RUNDC1: variants seen among roughly 807,000 people sequenced by gnomAD.
RUNDC1 encodes the protein RUN domain-containing protein 1.
RUNDC1 carries 31 observed loss-of-function variants against 49.3 expected under a neutral mutation model. That is an observed-to-expected ratio of 0.63 (90% CI 0.47 to 0.85). The LOEUF (loss-of-function observed/expected upper bound fraction) is 0.85, where lower values mean the gene tolerates loss of function less well. RUNDC1 is among the 40% of genes least tolerant of loss of function. The probability of loss-of-function intolerance (pLI) is 0.00; values close to 1 mark genes in which losing one functional copy is unlikely to be tolerated. For synonymous variants in RUNDC1, 347 were observed against 348.6 expected (o/e 1.00, Z 0.05); for missense variants, 715 against 806.7 (o/e 0.89, Z 1.38).
chr17:42,984,632 T>G (rs183815936), intron 1 of RUNDC1, among the ~76,000 whole-genome samples: 1 of 152,202 alleles, frequency 6.6e-6, no homozygotes, highest in African/African-American at 2.4e-5. Flanking sequence ...TTGTTCTCTC[T>G]TGTTTGCCCA....
chr17:42,984,889 C>CTTTTTTTTTTTTTTTTTTTT (rs56228523), intron 1 of RUNDC1, among the ~76,000 whole-genome samples: 4 of 65,316 alleles, frequency 6.1e-5, no homozygotes, highest in Non-Finnish European at 8.3e-5. Flanking sequence ...TTCTTTCTTT[C>CTTTTTTTTTTTTTTTTTTTT]TTTTTTTTTT....
chr17:42,981,485 G>A (rs946675505), intron 1 of RUNDC1: 6 of 180,906 alleles, frequency 3.3e-5, no homozygotes, highest in South Asian at 3.4e-4. Flanking sequence ...GGAAAGGAAA[G>A]TGAGTTGGAA....
rs768916891 is a variant in RUNDC1 at position 42,991,685 on chromosome 17, G to A, written c.1811G>A (p.Arg604His). The part of the protein sequence containing the change: ...KFSLPVDLAV[R>H]QLKNIKDAF ...AGCCTCCCTGTAGATCTGGCTGTGC[G>A]CCAGCTCAAAAACATCAAAGATGCC... The change falls in exon 5 of 5, where the codon CGC becomes CAC. Residue 604 changes from arginine (R) to histidine (H), a missense_variant. This residue lies in a region of RUNDC1 where 425 missense variants were observed against 499.7 expected (regional missense o/e 0.85). Transcript: ENST00000361677. The A allele has an allele frequency of 1.3e-5, 21 of 1,613,082 alleles. No homozygotes were observed. The highest frequency in any genetic ancestry group is 4.0e-5 in the African/African-American group (3 of 74,892).
chr17:42,983,375 CTTT>C (rs1179147349), intron 1 of RUNDC1, among the ~76,000 whole-genome samples: 2 of 129,542 alleles, frequency 1.5e-5, no homozygotes, highest in Non-Finnish European at 1.6e-5. Context: ...TTTCTTTTTC[CTTT>C]TTTTTTTTTT....
chr17:42,984,368 C>T (rs1471700116), intron 1 of RUNDC1, among the ~76,000 whole-genome samples: 3 of 151,578 alleles, frequency 2.0e-5, no homozygotes, highest in Non-Finnish European at 4.4e-5. Flanking sequence ...GCAACCTCCA[C>T]CTCCTAGGTT....
At chr17:42,989,778 G>T (rs1229684244) in intron 3 of RUNDC1, among the ~76,000 whole-genome samples, 1 of 151,980 alleles carries the variant, frequency 6.6e-6, no homozygotes, top group African/African-American at 2.4e-5. Context: ...CGGATTACAG[G>T]CTCCCACCAC....
rs2050241076 is a variant in RUNDC1 at position 42,991,446 on chromosome 17, G to A, written c.1572G>A (p.Leu524=). ...TACTGACAGCCATCCACATGGTGCT[G>A]ACAGAGCATGACCCTTTTAAGCGCA... The part of the protein sequence containing the change: ...QSLLTAIHMV[L]TEHDPFKRSA... The change falls in exon 5 of 5, where the codon CTG becomes CTA. Residue 524 remains leucine (L), a synonymous_variant. Coordinates refer to ENST00000361677, the MANE Select transcript of RUNDC1 (RefSeq NM_173079.5). The A allele has an allele frequency of 6.2e-7, 1 of 1,614,102 alleles. No homozygotes were observed. Among genetic ancestry groups the A allele is most frequent in the Non-Finnish European group, 8.5e-7 (1 of 1,180,050 alleles).
At position 42,994,377 on chromosome 17, in the gene RUNDC1, C is replaced by A. The variant is rs1327940108; in HGVS notation, c.*2661C>A. Among the ~76,000 whole-genome samples the A allele has an allele frequency of 6.6e-6, 1 of 152,208 alleles. No homozygotes were observed. The highest frequency in any genetic ancestry group is 2.4e-5 in the African/African-American group (1 of 41,456). On this transcript the variant is annotated 3_prime_UTR_variant, in exon 5 of 5. Transcript: ENST00000361677. ...ACAAAGTGGGACAGTATTATCCCCA[C>A]TTTACAGCTGAGGAAACTGAACTGC...
At chr17:42,990,701 GA>G in intron 4 of RUNDC1, 149 bp from the exon 5 acceptor site, 3 of 927,288 alleles carry the variant, frequency 3.2e-6, no homozygotes, top group Non-Finnish European at 4.8e-6. Context: ...TTATTAACCA[GA>G]AAAAGGAAGT....
At position 42,981,222 on chromosome 17, in the gene RUNDC1, C is replaced by T. The variant is rs577266061; in HGVS notation, c.498+148C>T. ...TGTCGGAGACCAGGGGACTGGAGTGCGGGGCCGGCTGAAGGGCAAGAGGAC... is the reference window on the plus strand; with the variant it reads ...TGTCGGAGACCAGGGGACTGGAGTGTGGGGCCGGCTGAAGGGCAAGAGGAC... On this transcript the variant is annotated intron_variant, in intron 1 of 4. Coordinates refer to ENST00000361677, the MANE Select transcript of RUNDC1 (RefSeq NM_173079.5). The T allele has an allele frequency of 8.2e-6, 9 of 1,096,616 alleles. No homozygotes were observed. The South Asian group carries it at 8.4e-5, about 10-fold the overall frequency. The allele number at this position is 1,096,616 out of a possible 1,614,324, so 67.9% of individuals were successfully genotyped here. A position where few individuals can be genotyped will look rare whatever the true frequency, so the allele number is the denominator to read the frequency against.
Position 42,983,531 on chromosome 17 carries a change from A to G in RUNDC1, c.498+2457A>G, listed in dbSNP as rs2050131141. Among the ~76,000 whole-genome samples the G allele has an allele frequency of 1.3e-5, 2 of 151,638 alleles. 1 individual carries two copies. The highest frequency in any genetic ancestry group is 4.2e-4 in the South Asian group (2 of 4,814). On this transcript the variant is annotated intron_variant, in intron 1 of 4. Transcript: ENST00000361677. ...ACTGGGACCACAGGCGAGCATCACC[A>G]TGCTCAGCTAGTTTTTGTATTTGTA...
intron 3 of RUNDC1, among the ~76,000 whole-genome samples, 171 bp from the exon 4 acceptor site, chr17:42,990,146 C>G (rs1484591919): frequency 6.6e-6 from 1 of 152,216 alleles, no homozygotes; most frequent in Non-Finnish European, 1.5e-5. Context: ...ATTCACTTAG[C>G]AAATATTTAT....
intron 2 of RUNDC1, among the ~76,000 whole-genome samples, chr17:42,988,348 G>A (rs894491395): frequency 2.6e-5 from 4 of 151,778 alleles, no homozygotes; most frequent in African/African-American, 9.7e-5. Flanking sequence ...CGCCTCCAGG[G>A]TTCAAGCAAT....
intron 1 of RUNDC1, chr17:42,985,602 CT>C (rs71157692): frequency 6.4e-3 from 1,081 of 170,144 alleles, no homozygotes; most frequent in Non-Finnish European, 0.01. Context: ...TTGTTGTTTT[CT>C]TTTTTTTTTT....
rs1372256970 is a variant in RUNDC1, at chr17:42,981,030, G to T, written c.454G>T (p.Asp152Tyr). 6.4e-7 allele frequency: 1 copy of T among 1,555,246 alleles called. No individual in the cohort carries two copies. ...GPGDPASDEG[D>Y]GLPGDRPWLR... is the part of the protein sequence containing the mutation. ...CGGCGACCCCGCCAGCGATGAGGGC[G>T]ATGGGCTGCCAGGGGACCGGCCATG... is the stretch of plus-strand genomic sequence containing the variant. The change falls in exon 1 of 5, where the codon GAT becomes TAT. Residue 152 changes from aspartate to tyrosine, a missense_variant. By Grantham distance (160) the Asp-to-Tyr change is radical. Coordinates refer to ENST00000361677, the MANE Select transcript of RUNDC1 (RefSeq NM_173079.5).
Position 42,991,204 on chromosome 17 carries a change from GCCT to G in RUNDC1, c.1336_1338del (p.Ser446del). 6.2e-7 allele frequency: 1 copy of G among 1,614,220 alleles called. No homozygotes were observed. Among genetic ancestry groups the G allele is most frequent in the Non-Finnish European group, 8.5e-7 (1 of 1,180,036 alleles). On this transcript the variant is annotated inframe_deletion, in exon 5 of 5. Transcript: ENST00000361677. Reference sequence around the variant, plus strand: ...GGACCTGCTGGCCCATGGACTGTATGCCTCCTCCCCAGGGATGAGCCTTGTTAT... The same window carrying G: ...GGACCTGCTGGCCCATGGACTGTATGCCTCCCCAGGGATGAGCCTTGTTAT...
intron 1 of RUNDC1, among the ~76,000 whole-genome samples, chr17:42,986,039 G>T (rs996594767): frequency 2.0e-5 from 3 of 151,476 alleles, no homozygotes; most frequent in Middle Eastern, 3.2e-3. Flanking sequence ...TTGCCCTATT[G>T]CCCAGGCTGG....
chr17:42,987,986 A>G (rs1390881626), intron 2 of RUNDC1, among the ~76,000 whole-genome samples: 1 of 152,172 alleles, frequency 6.6e-6, no homozygotes, highest in Non-Finnish European at 1.5e-5. Context: ...TCCCAACCTC[A>G]GGTGATCTGC....
chr17:42,980,937 C>T lies in RUNDC1; in HGVS notation c.361C>T (p.Arg121Cys). ...GCGCGGGGCGCCGGCGGAGCAGCAG[C>T]GCCTTCTGCGGGAGCTCGAAGACTT... ...VVRGAPAEQQ[R>C]LLRELEDFAF... The change falls in exon 1 of 5, where the codon CGC (arginine) becomes TGC (cysteine). Residue 121 changes from arginine (R) to cysteine (C), a missense_variant. Arg to Cys is a radical substitution (Grantham distance 180). This residue lies in a region of RUNDC1 where 113 missense variants were observed against 93.4 expected (regional missense o/e 1.21). Coordinates refer to ENST00000361677, the MANE Select transcript of RUNDC1 (RefSeq NM_173079.5). 2.0e-6 allele frequency: 3 copies of T among 1,538,196 alleles called. No individual in the cohort carries two copies. Among genetic ancestry groups the T allele is most frequent in the Non-Finnish European group, 1.7e-6 (2 of 1,148,718 alleles).
Sources: gnomAD v4.1 joint callset for allele counts (sites outside exome capture counted in the v4.1 genomes callset) on GRCh38, gnomAD v4.1.1 for gene constraint, gnomAD v4.1.1 regional missense constraint, MANE v1.5 for transcripts, NCBI Gene and HGNC (gene_info 2026-07-23, HGNC 2026-07-21) for gene names.